Variants in TENM2 observed in about 807,000 individuals in gnomAD.
TENM2 encodes teneurin-2.
A neutral mutation model predicts 245.2 loss-of-function variants in TENM2; 52 were observed. The observed-to-expected ratio is 0.21, with a 90% CI of 0.17 to 0.27. The LOEUF (loss-of-function observed/expected upper bound fraction) is 0.27. Ranked by LOEUF, TENM2 falls within the 10% of genes least tolerant of loss-of-function variation. The pLI, the probability that TENM2 is intolerant of heterozygous loss-of-function variation, is 1.00. For missense variants in TENM2, 3,046 were observed against 3,666.8 expected, an observed-to-expected ratio of 0.83 and a Z score of 4.37; for synonymous variants, 1,363 against 1,438.9, an observed-to-expected ratio of 0.95 and a Z score of 1.19.
At chr5:167,669,513 A>G (rs1002762838) in intron 2 of TENM2, among the ~76,000 whole-genome samples, 2 of 152,212 alleles carry the variant, frequency 1.3e-5, no homozygotes, top group Admixed American at 6.5e-5. Flanking sequence ...GTATGAGCAC[A>G]AAGAATGAGC....
In TENM2 at chr5:168,199,974, A is replaced by T. The variant is rs1761786463; in HGVS notation, c.3273A>T (p.Thr1091=). 2.5e-6 allele frequency: 4 copies of T among 1,614,024 alleles called. No individual in the cohort carries two copies. The Admixed American group carries it at 6.7e-5, about 27-fold the overall frequency. The stretch of plus-strand genomic sequence containing the variant: ...TGAAGATCACCATGACCCAGTCCAC[A>T]GTGCCCCTGAACCTCATTAGGGTTC... The change falls in exon 17 of 29, where the codon ACA becomes ACT. Residue 1091 remains threonine, a synonymous_variant. Transcript: ENST00000518659.
At chr5:167,717,647 G>A (rs113143123) in intron 2 of TENM2, among the ~76,000 whole-genome samples, 1,640 of 152,120 alleles carry the variant, frequency 0.011, 26 homozygotes, top group African/African-American at 0.038. Flanking sequence ...TCTGGTTGAA[G>A]GACTTATAGC....
At chr5:167,905,159 C>T (rs1282680108) in intron 3 of TENM2, among the ~76,000 whole-genome samples, 6 of 152,080 alleles carry the variant, frequency 3.9e-5, no homozygotes, top group Non-Finnish European at 8.8e-5. Context: ...GAAAGAAACC[C>T]CCAAATGCGA....
At chr5:167,868,122 G>A (rs993779738) in intron 2 of TENM2, among the ~76,000 whole-genome samples, 1 of 152,054 alleles carries the variant, frequency 6.6e-6, no homozygotes, top group South Asian at 2.1e-4. Context: ...CAATACTATC[G>A]ATATTTGGGG....
At chr5:167,430,877 A>G (rs890813121) in intron 2 of TENM2, among the ~76,000 whole-genome samples, 1 of 152,206 alleles carries the variant, frequency 6.6e-6, no homozygotes, top group Non-Finnish European at 1.5e-5. Flanking sequence ...CACAGTTTTC[A>G]AGAATACAGG....
intron 12 of TENM2, among the ~76,000 whole-genome samples, chr5:168,134,314 T>C (rs967050670): frequency 1.3e-5 from 2 of 152,202 alleles, no homozygotes; most frequent in Non-Finnish European, 2.9e-5. Flanking sequence ...GTAAAGTACT[T>C]GGCACAGTGC....
At chr5:167,441,425 C>G (rs775372901) in intron 2 of TENM2, among the ~76,000 whole-genome samples, 7 of 152,166 alleles carry the variant, frequency 4.6e-5, no homozygotes, top group African/African-American at 7.2e-5. Context: ...CTCTATAACG[C>G]TATTGATAAA....
intron 1 of TENM2, among the ~76,000 whole-genome samples, chr5:167,318,428 A>AT (rs397709104): frequency 0.059 from 8,600 of 144,838 alleles, 346 homozygotes; most frequent in African/African-American, 0.1. Context: ...GAAGTTGTTC[A>AT]TTTTTTTTTT....
chr5:167,423,388 T>G (rs1393062163), intron 2 of TENM2, among the ~76,000 whole-genome samples: 1 of 152,172 alleles, frequency 6.6e-6, no homozygotes, highest in Non-Finnish European at 1.5e-5. Flanking sequence ...TAAACTGGGT[T>G]GATTTCTGAG....
chr5:167,571,828 C>G (rs1351843245), intron 2 of TENM2, among the ~76,000 whole-genome samples: 1 of 152,174 alleles, frequency 6.6e-6, no homozygotes, highest in Non-Finnish European at 1.5e-5. Flanking sequence ...TCTCAGTCCA[C>G]TTATTCCCTT....
chr5:168,124,173 C>T (rs917557283), intron 10 of TENM2, among the ~76,000 whole-genome samples: 3 of 152,170 alleles, frequency 2.0e-5, no homozygotes, highest in African/African-American at 4.8e-5. Context: ...CATCCAGTCC[C>T]CTGGTGATTA....
At chr5:167,834,643 T>G (rs1768807613) in intron 2 of TENM2, among the ~76,000 whole-genome samples, 2 of 109,436 alleles carry the variant, frequency 1.8e-5, no homozygotes, top group Non-Finnish European at 3.8e-5. Context: ...ACAATTTCTT[T>G]TTTTTTTTTT....
chr5:167,179,410 C>A, the TENM2 span, among the ~76,000 whole-genome samples: 2 of 152,176 alleles, frequency 1.3e-5, no homozygotes, highest in African/African-American at 4.8e-5. Context: ...ATTGTGGTTA[C>A]TGCTTTGAGC....
chr5:167,561,574 C>T (rs556131240), intron 2 of TENM2, among the ~76,000 whole-genome samples: 9 of 152,206 alleles, frequency 5.9e-5, no homozygotes, highest in South Asian at 2.1e-4. Flanking sequence ...CAAGATGAAA[C>T]GTCTATGTTG....
chr5:167,426,546 CAAAAAAAA>C lies in TENM2; in HGVS notation c.502+51086_502+51093del, dbSNP rs59491444. ...GCAACATAGTGACACCTTGCCTTTA[CAAAAAAAA>C]AAAAAAAAAAAATTCTAGATTTAAG... is the stretch of plus-strand genomic sequence containing the variant. On this transcript the variant is annotated intron_variant, in intron 2 of 28. Coordinates refer to ENST00000518659, the Ensembl canonical transcript of TENM2. Among the ~76,000 whole-genome samples the C allele has an allele frequency of 5.9e-5, 6 of 102,252 alleles. No homozygotes were observed. The South Asian group carries it at 2.4e-3, about 41-fold the overall frequency. 67.1% of individuals were successfully genotyped at this position (102,252 alleles called of 152,430 possible).
At chr5:167,119,100 C>T in the TENM2 span, among the ~76,000 whole-genome samples, 1 of 152,240 alleles carries the variant, frequency 6.6e-6, no homozygotes, top group Non-Finnish European at 1.5e-5. Flanking sequence ...TTACTTGGTC[C>T]CTTTCTGCCT....
At chr5:167,490,773 T>C (rs1768382503) in intron 2 of TENM2, among the ~76,000 whole-genome samples, 1 of 152,172 alleles carries the variant, frequency 6.6e-6, no homozygotes, top group African/African-American at 2.4e-5. Flanking sequence ...TTTATTGATT[T>C]ATTAGTTAAG....
chr5:167,503,052 C>G (rs559754744), intron 2 of TENM2, among the ~76,000 whole-genome samples: 10 of 152,246 alleles, frequency 6.6e-5, no homozygotes, highest in African/African-American at 2.4e-4. Flanking sequence ...GTCTCAAACT[C>G]TTGACCTCAG....
chr5:167,230,069 C>A, the TENM2 span, among the ~76,000 whole-genome samples: 48 of 152,236 alleles, frequency 3.2e-4, no homozygotes, highest in Non-Finnish European at 5.7e-4. Context: ...AGTTGCAGGG[C>A]AGAATGCAGT....
Sources: gnomAD v4.1 joint callset for allele counts (sites outside exome capture counted in the v4.1 genomes callset) on GRCh38, gnomAD v4.1.1 for gene constraint, MANE v1.5 for transcripts, NCBI Gene and HGNC (gene_info 2026-07-23, HGNC 2026-07-21) for gene names.